Variants in PCMTD2 observed in about 807,000 individuals in gnomAD.
The protein encoded by PCMTD2 is protein-L-isoaspartate (D-aspartate) O-methyltransferase domain containing 2, also known as protein-L-isoaspartate O-methyltransferase domain-containing protein 2.
In PCMTD2, 16 loss-of-function variants were observed where a neutral mutation model predicts 33.4. The ratio of observed to expected loss-of-function variants is 0.48; its 90% CI spans 0.32 to 0.73. The LOEUF (loss-of-function observed/expected upper bound fraction) is 0.73. Among genes scored for constraint, PCMTD2 ranks in the 30% least tolerant of loss-of-function variants. The probability of loss-of-function intolerance (pLI) is 0.03; values close to 1 mark genes in which losing one functional copy is unlikely to be tolerated. For missense variants in PCMTD2, 374 were observed against 449.9 expected, an observed-to-expected ratio of 0.83 and a Z score of 1.53; for synonymous variants, 161 against 160.8, an observed-to-expected ratio of 1.00 and a Z score of -0.01.
At chr20:64,273,137 T>C in intron 5 of PCMTD2, 84 bp from the exon 6 acceptor site, 3 of 1,153,578 alleles carry the variant, frequency 2.6e-6, no homozygotes, top group African/African-American at 1.6e-5. Flanking sequence ...TTAATTGAAA[T>C]GATGCTACGG....
intron 5 of PCMTD2, 121 bp from the exon 6 acceptor site, chr20:64,273,100 C>A: frequency 1.3e-6 from 1 of 761,056 alleles, no homozygotes; most frequent in Non-Finnish European, 2.2e-6. Flanking sequence ...CTCTCATATT[C>A]TTGTAACATA....
intron 4 of PCMTD2, among the ~76,000 whole-genome samples, chr20:64,266,339 C>T (rs1311979121): frequency 1.3e-5 from 2 of 152,144 alleles, no homozygotes; most frequent in Non-Finnish European, 2.9e-5. Context: ...CTTAGTGCAA[C>T]CTCTGCCTCC....
intron 2 of PCMTD2, 39 bp downstream of exon 2, chr20:64,260,311 A>C: frequency 1.4e-6 from 2 of 1,410,454 alleles, no homozygotes; most frequent in Non-Finnish European, 2.0e-6. Context: ...CATCTGTCTC[A>C]GGGAAGGAGG....
rs1188933548 is a variant in PCMTD2, at chr20:64,267,879, T to C, written c.583-8T>C. Reference sequence around the variant, plus strand: ...CTTTTGAATATTCTCATTTTGTCTCTGGGATAGTTGACTAAGATAACACGC... The same window carrying C: ...CTTTTGAATATTCTCATTTTGTCTCCGGGATAGTTGACTAAGATAACACGC... On this transcript the variant is annotated splice_polypyrimidine_tract_variant and splice_region_variant and intron_variant, in intron 4 of 5. Transcript: ENST00000308824. The C allele has an allele frequency of 6.2e-7, 1 of 1,611,344 alleles. No homozygotes were observed. The highest frequency in any genetic ancestry group is 8.5e-7 in the Non-Finnish European group (1 of 1,178,508).
chr20:64,257,729 T>G (rs972342939), intron 1 of PCMTD2, among the ~76,000 whole-genome samples: 3 of 152,198 alleles, frequency 2.0e-5, no homozygotes, highest in African/African-American at 7.2e-5. Flanking sequence ...GTTACCGGTG[T>G]GTTGTGTGGT....
In PCMTD2 at chr20:64,267,771, T is replaced by C. The variant is rs1985717880; in HGVS notation, c.583-116T>C. 16 of 844,120 alleles carry C rather than the reference T, an allele frequency of 1.9e-5. No individual in the cohort carries two copies. The South Asian group carries it at 2.9e-4, about 15-fold the overall frequency. The allele number at this position is 844,120 out of a possible 1,614,324, so 52.3% of individuals were successfully genotyped here. A position where few individuals can be genotyped will look rare whatever the true frequency, so the allele number is the denominator to read the frequency against. On this transcript the variant is annotated intron_variant, in intron 4 of 5. Coordinates refer to ENST00000308824, the MANE Select transcript of PCMTD2 (RefSeq NM_018257.3). The stretch of plus-strand genomic sequence containing the variant: ...CACATTAGGGGTCCGTATGTCAAGA[T>C]ATTTCATTTTATTGTAAGCATTTCT...
At chr20:64,270,748 C>G (rs6062360) in intron 5 of PCMTD2, among the ~76,000 whole-genome samples, 2 of 107,208 alleles carry the variant, frequency 1.9e-5, no homozygotes, top group African/African-American at 8.5e-5. Flanking sequence ...AGGAAGGGCA[C>G]GTGAGGTGTT....
chr20:64,260,205 T>A lies in PCMTD2; in HGVS notation c.240T>A (p.Pro80=), dbSNP rs989605736. ...SEVMEALDLQ[P]GLSFLNLGSG... is the part of the protein sequence containing the mutation. ...TGATGGAAGCCCTAGATCTGCAGCC[T>A]GGACTCTCGTTTCTGAACCTGGGCA... Residue 80 remains proline, a synonymous_variant, in exon 2 of 6, where the codon CCT becomes CCA. Coordinates refer to ENST00000308824, the MANE Select transcript of PCMTD2 (RefSeq NM_018257.3). The A allele has an allele frequency of 1.2e-6, 2 of 1,613,786 alleles. No individual in the cohort carries two copies. Among genetic ancestry groups the A allele is most frequent in the Non-Finnish European group, 1.7e-6 (2 of 1,179,736 alleles).
rs1389936073 is a variant in PCMTD2 at position 64,275,160 on chromosome 20, G to A, written c.*1560G>A. On this transcript the variant is annotated 3_prime_UTR_variant, in exon 6 of 6. Transcript: ENST00000308824. ...AGGAAACATGTATTGCTCTAGATTG[G>A]GCAGTTTAAGTCATTTTAAAGAAAG... 1 of 151,950 alleles carries A rather than the reference G, an allele frequency of 6.6e-6. No homozygotes were observed. Among genetic ancestry groups the A allele is most frequent in the Non-Finnish European group, 1.5e-5 (1 of 67,972 alleles). 9.4% of individuals were successfully genotyped at this position (151,950 alleles called of 1,614,324 possible).
At chr20:64,258,688 A>C (rs1985269431) in intron 1 of PCMTD2, 1 of 152,220 alleles carries the variant, frequency 6.6e-6, no homozygotes, top group Admixed American at 6.5e-5. Context: ...TTAGAAATCC[A>C]GAGGAATGTG....
rs768824246 is a variant in PCMTD2 at position 64,272,262 on chromosome 20, T to C, written c.707-959T>C. On this transcript the variant is annotated intron_variant, in intron 5 of 5. Transcript: ENST00000308824. Reference sequence around the variant, plus strand: ...AACGTTGTGCACAACACAAGAGCTCTCCCTATAGTGCAGACTGTTATTATT... The same window carrying C: ...AACGTTGTGCACAACACAAGAGCTCCCCCTATAGTGCAGACTGTTATTATT... 9 of 343,636 alleles carry C rather than the reference T, an allele frequency of 2.6e-5. No homozygotes were observed. In the Middle Eastern group the frequency reaches 1.1e-3, roughly 42 times the overall value. 21.3% of individuals were successfully genotyped at this position (343,636 alleles called of 1,614,324 possible).
rs1986032402 is a variant in PCMTD2 at position 64,274,354 on chromosome 20, A to G, written c.*754A>G. On this transcript the variant is annotated 3_prime_UTR_variant, in exon 6 of 6. Coordinates refer to ENST00000308824, the MANE Select transcript of PCMTD2 (RefSeq NM_018257.3). The stretch of plus-strand genomic sequence containing the variant: ...GATACCTTTAAAAGAACCACTGTCA[A>G]GTAATCCTTAAAAGAATATCTTGGA... 6.6e-6 allele frequency: 1 copy of G among 151,332 alleles called. No homozygotes were observed. Among genetic ancestry groups the G allele is most frequent in the Non-Finnish European group, 1.5e-5 (1 of 67,974 alleles). The allele number at this position is 151,332 out of a possible 1,614,324, so 9.4% of individuals were successfully genotyped here.
At chr20:64,264,994 G>A (rs950338062) in intron 3 of PCMTD2, among the ~76,000 whole-genome samples, 8 of 152,224 alleles carry the variant, frequency 5.3e-5, no homozygotes, top group Admixed American at 2.0e-4. Flanking sequence ...AGACAGCAGC[G>A]ACTGGAGATT....
At chr20:64,267,550 T>A (rs1985711187) in intron 4 of PCMTD2, among the ~76,000 whole-genome samples, 1 of 152,184 alleles carries the variant, frequency 6.6e-6, no homozygotes, top group African/African-American at 2.4e-5. Context: ...CAATATTGAC[T>A]TTTTTGGAGA....
chr20:64,272,283 T>C (rs1211411018), intron 5 of PCMTD2: 9 of 446,960 alleles, frequency 2.0e-5, no homozygotes, highest in South Asian at 1.3e-4. Flanking sequence ...CAGACTGTTA[T>C]TATTTGGAGA....
rs369636774 is a variant in PCMTD2 at position 64,264,583 on chromosome 20, A to G, written c.410+52A>G. ...CAGATGATGTGAACTGTAATTTTACAAAGTTTTGATCAGATAGAAAGAAAT... is the reference window on the plus strand; with the variant it reads ...CAGATGATGTGAACTGTAATTTTACGAAGTTTTGATCAGATAGAAAGAAAT... On this transcript the variant is annotated intron_variant, in intron 3 of 5. Coordinates refer to ENST00000308824, the MANE Select transcript of PCMTD2 (RefSeq NM_018257.3). 1.4e-5 allele frequency: 13 copies of G among 916,928 alleles called. 1 individual carries two copies. Among genetic ancestry groups the G allele is most frequent in the East Asian group, 2.4e-5 (1 of 41,602 alleles). The allele number at this position is 916,928 out of a possible 1,614,324, so 56.8% of individuals were successfully genotyped here. A position where few individuals can be genotyped will look rare whatever the true frequency, so the allele number is the denominator to read the frequency against.
intron 4 of PCMTD2, among the ~76,000 whole-genome samples, chr20:64,266,110 C>T (rs1273546251): frequency 6.6e-6 from 1 of 152,106 alleles, no homozygotes; most frequent in Admixed American, 6.5e-5. Flanking sequence ...GCTCTGTCAT[C>T]CAGGCTGGAG....
rs552654099 is a variant in PCMTD2, at chr20:64,268,784, G to T, written c.706+774G>T. ...ATTTTGGCAAATCTCTTCCAGAAAG[G>T]TTTTTTGATTTATTAGGAATCACCT... is the stretch of plus-strand genomic sequence containing the variant. On this transcript the variant is annotated intron_variant, in intron 5 of 5. Coordinates refer to ENST00000308824, the MANE Select transcript of PCMTD2 (RefSeq NM_018257.3). 1.2e-3 allele frequency among the ~76,000 whole-genome samples: 186 copies of T among 152,062 alleles called. 1 individual carries two copies. The highest frequency in any genetic ancestry group is 4.4e-3 in the African/African-American group (181 of 41,510).
At chr20:64,272,674 G>T (rs944903266) in intron 5 of PCMTD2, among the ~76,000 whole-genome samples, 18 of 152,216 alleles carry the variant, frequency 1.2e-4, no homozygotes, top group Non-Finnish European at 1.9e-4. Flanking sequence ...ACAAAAATTA[G>T]CTGGGCGTGG....
Sources: allele counts gnomAD v4.1 joint callset (sites outside exome capture counted in the v4.1 genomes callset), GRCh38; gene constraint gnomAD v4.1.1; transcripts MANE v1.5; gene names NCBI Gene and HGNC (gene_info 2026-07-23, HGNC 2026-07-21).